ZAP70: variants seen among roughly 807,000 people sequenced by gnomAD.
ZAP70 encodes tyrosine-protein kinase ZAP-70.
ZAP70 carries 27 observed loss-of-function variants against 65.8 expected under a neutral mutation model. The ratio of observed to expected loss-of-function variants is 0.41; its 90% CI spans 0.30 to 0.57. The LOEUF (loss-of-function observed/expected upper bound fraction) is 0.57. Ranked by LOEUF, ZAP70 falls within the 20% of genes least tolerant of loss-of-function variation. The pLI is 0.28. For missense variants in ZAP70, 696 were observed against 870.5 expected, an observed-to-expected ratio of 0.80 and a Z score of 2.52; for synonymous variants, 363 against 360.8, an observed-to-expected ratio of 1.01 and a Z score of -0.07.
At chr2:97,723,321 G>A (rs1405129219) in intron 2 of ZAP70, among the ~76,000 whole-genome samples, 2 of 152,266 alleles carry the variant, frequency 1.3e-5, no homozygotes, top group Non-Finnish European at 2.9e-5. Context: ...AGGGTCAGCG[G>A]AAGGGACAAG....
In ZAP70 at chr2:97,724,552, T is replaced by C; in HGVS notation, c.402+114T>C. 7.2e-6 allele frequency: 11 copies of C among 1,532,682 alleles called. No homozygotes were observed. The South Asian group carries it at 1.1e-4, about 15-fold the overall frequency. The allele number at this position is 1,532,682 out of a possible 1,614,324, so 94.9% of individuals were successfully genotyped here. The stretch of plus-strand genomic sequence containing the variant: ...GGTCGTCTTCCCCATTCAGTCCCCT[T>C]TGGAAGCTGGAGAGGTGGGGCACTG... On this transcript the variant is annotated intron_variant, in intron 3 of 13. Transcript: ENST00000264972.
In ZAP70 at chr2:97,737,687, GCCCGA is replaced by G. The variant is rs1677956898; in HGVS notation, c.1482+24_1482+28del. 1 of 1,613,910 alleles carries G rather than the reference GCCCGA, an allele frequency of 6.2e-7. No homozygotes were observed. The highest frequency in any genetic ancestry group is 8.5e-7 in the Non-Finnish European group (1 of 1,179,994). On this transcript the variant is annotated intron_variant, in intron 11 of 13. Coordinates refer to ENST00000264972, the MANE Select transcript of ZAP70 (RefSeq NM_001079.4). This position sits in a 1 kb window ranked among gnomAD's most constrained non-coding sequence, Gnocchi z 5.0. ...CACTGTAAGCCTCTGCCCCTGTGAT[GCCCGA>G]CTGGATGGGCTGGGTGGGTAGAGGG...
Position 97,739,466 on chromosome 2 carries a change from A to G in ZAP70, c.1828A>G (p.Ser610Gly). The stretch of plus-strand genomic sequence containing the variant: ...CAGCAAGGTGGAAGGGCCCCCAGGC[A>G]GCACACAGAAGGCTGAGGCTGCCTG... Reference protein sequence around the residue: ...LASKVEGPPGSTQKAEAACA With the variant: ...LASKVEGPPGGTQKAEAACA The change falls in exon 14 of 14, where the codon AGC becomes GGC. Residue 610 changes from serine to glycine, a missense_variant. Coordinates refer to ENST00000264972, the MANE Select transcript of ZAP70 (RefSeq NM_001079.4). 1 of 1,613,626 alleles carries G rather than the reference A, an allele frequency of 6.2e-7. No homozygotes were observed. Among genetic ancestry groups the G allele is most frequent in the Non-Finnish European group, 8.5e-7 (1 of 1,179,880 alleles).
At chr2:97,719,758 A>G (rs953556261) in intron 2 of ZAP70, among the ~76,000 whole-genome samples, 6 of 152,152 alleles carry the variant, frequency 3.9e-5, no homozygotes, top group Non-Finnish European at 8.8e-5. Context: ...CATTTTAGTG[A>G]AAAATTCTGA....
At chr2:97,728,061 C>T (rs570958940) in intron 4 of ZAP70, among the ~76,000 whole-genome samples, 3 of 152,302 alleles carry the variant, frequency 2.0e-5, no homozygotes, top group Non-Finnish European at 4.4e-5. Context: ...TAGGCTTCCA[C>T]ACACAATGTT....
chr2:97,724,701 G>A (rs1458715401), intron 3 of ZAP70: 1 of 1,518,640 alleles, frequency 6.6e-7, no homozygotes, highest in Admixed American at 2.0e-5. Context: ...GGACGCACTG[G>A]GCCGGGCGAA....
chr2:97,753,583 G>A, the ZAP70 span, among the ~76,000 whole-genome samples: 1 of 152,052 alleles, frequency 6.6e-6, no homozygotes, highest in Non-Finnish European at 1.5e-5. Context: ...AGGTTGTCAT[G>A]AAAAATCCAA....
At chr2:97,747,762 A>G in the ZAP70 span, among the ~76,000 whole-genome samples, 802 of 151,524 alleles carry the variant, frequency 5.3e-3, 3 homozygotes, top group South Asian at 0.014. Flanking sequence ...TCAGTGTGAA[A>G]AAATCCTGCT....
At position 97,737,360 on chromosome 2, in the gene ZAP70, T is replaced by G; in HGVS notation, c.1290-113T>G. On this transcript the variant is annotated intron_variant, in intron 10 of 13. Transcript: ENST00000264972. The surrounding 1 kb of genome is among the most constrained non-coding windows in gnomAD (Gnocchi z 5.0). ...CACACAGCAGGTGCTCAATAAGCGT[T>G]TTTGAACACATGGTCACCTGGCTCA... is the stretch of plus-strand genomic sequence containing the variant. 8.5e-7 allele frequency: 1 copy of G among 1,179,612 alleles called. No individual in the cohort carries two copies. The highest frequency in any genetic ancestry group is 1.2e-6 in the Non-Finnish European group (1 of 804,210). 73.1% of individuals were successfully genotyped at this position (1,179,612 alleles called of 1,614,324 possible).
chr2:97,747,815 G>GTTTT, the ZAP70 span, among the ~76,000 whole-genome samples: 195 of 54,798 alleles, frequency 3.6e-3, 24 homozygotes, highest in African/African-American at 7.5e-3. Flanking sequence ...CTGGCACGAG[G>GTTTT]TTTTTTTTTT....
In ZAP70 at chr2:97,721,364, C is replaced by T. The variant is rs562733505; in HGVS notation, c.-21-2652C>T. Among the ~76,000 whole-genome samples, 10 of 152,298 alleles carry T rather than the reference C, an allele frequency of 6.6e-5. No homozygotes were observed. The South Asian group carries it at 1.9e-3, about 28-fold the overall frequency. ...ATGAATCACTCGATACACATTTTCC[C>T]ACCGAGGCTGCACAAGGCAAACACT... On this transcript the variant is annotated intron_variant, in intron 2 of 13. Transcript: ENST00000264972.
chr2:97,724,263 C>A lies in ZAP70; in HGVS notation c.227C>A (p.Ala76Glu). ...NGTYAIAGGK[A>E]HCGPAELCEF... Reference sequence around the variant, plus strand: ...ACCTACGCCATTGCCGGCGGCAAAGCGCACTGTGGACCGGCAGAGCTCTGC... The same window carrying A: ...ACCTACGCCATTGCCGGCGGCAAAGAGCACTGTGGACCGGCAGAGCTCTGC... Residue 76 changes from alanine (A) to glutamate (E), a missense_variant, in exon 3 of 14, where the codon GCG becomes GAG. Physicochemically the swap from Ala to Glu is moderately radical, Grantham distance 107 (BLOSUM62 -1). Around this residue, in one of 3 missense-constraint regions of ZAP70, gnomAD observed 551 missense variants for 630.0 expected, o/e 0.87. Coordinates refer to ENST00000264972, the MANE Select transcript of ZAP70 (RefSeq NM_001079.4). 1.2e-6 allele frequency: 2 copies of A among 1,604,820 alleles called. No individual in the cohort carries two copies. Among genetic ancestry groups the A allele is most frequent in the Non-Finnish European group, 1.7e-6 (2 of 1,178,092 alleles).
At chr2:97,748,357 C>G in the ZAP70 span, among the ~76,000 whole-genome samples, 1 of 152,170 alleles carries the variant, frequency 6.6e-6, no homozygotes, top group African/African-American at 2.4e-5. Flanking sequence ...TTTCTTTGAT[C>G]AAGAAGAAGC....
the ZAP70 span, among the ~76,000 whole-genome samples, chr2:97,749,847 C>T: frequency 2.0e-5 from 3 of 152,172 alleles, no homozygotes; most frequent in East Asian, 1.9e-4. Context: ...GGGATGAGGG[C>T]GTGGGAGGAG....
At chr2:97,733,901 G>A (rs1559326539) in intron 8 of ZAP70, 2 of 515,254 alleles carry the variant, frequency 3.9e-6, no homozygotes, top group South Asian at 2.1e-5. Context: ...ATGAGCCACC[G>A]AACCCTCCTG....
rs201293673 is a variant in ZAP70 at position 97,735,404 on chromosome 2, G to A, written c.1237G>A (p.Val413Ile). The A allele has an allele frequency of 1.2e-6, 2 of 1,614,000 alleles. No individual in the cohort carries two copies. Among genetic ancestry groups the A allele is most frequent in the South Asian group, 1.1e-5 (1 of 91,086 alleles). ...CTGCCAGGCCGAGGCCCTCATGCTG[G>A]TCATGGAGATGGCTGGGGGCGGGCC... ...GVCQAEALML[V>I]MEMAGGGPLH... The change falls in exon 10 of 14, where the codon GTC becomes ATC. Residue 413 changes from valine (V) to isoleucine (I), a missense_variant. Val to Ile is a conservative substitution (Grantham distance 29). Coordinates refer to ENST00000264972, the MANE Select transcript of ZAP70 (RefSeq NM_001079.4).
At chr2:97,745,323 G>C in the ZAP70 span, among the ~76,000 whole-genome samples, 5 of 152,234 alleles carry the variant, frequency 3.3e-5, no homozygotes, top group Non-Finnish European at 5.9e-5. Context: ...ACAGGCATGA[G>C]CCACTGTGCC....
rs1677926778 is a variant in ZAP70, at chr2:97,737,201, G to A, written c.1290-272G>A. ...TCTTTGAGATGCCTGTGAGACCTCAGCACGTCGAGGGTGCAGGCATAGGTC... is the reference window on the plus strand; with the variant it reads ...TCTTTGAGATGCCTGTGAGACCTCAACACGTCGAGGGTGCAGGCATAGGTC... On this transcript the variant is annotated intron_variant, in intron 10 of 13. Transcript: ENST00000264972. This position sits in a 1 kb window ranked among gnomAD's most constrained non-coding sequence, Gnocchi z 5.0. 6.6e-6 allele frequency among the ~76,000 whole-genome samples: 1 copy of A among 152,130 alleles called. No homozygotes were observed. Among genetic ancestry groups the A allele is most frequent in the Non-Finnish European group, 1.5e-5 (1 of 68,014 alleles).
intron 2 of ZAP70, among the ~76,000 whole-genome samples, chr2:97,719,246 G>T (rs148289772): frequency 5.3e-5 from 8 of 151,688 alleles, no homozygotes; most frequent in Non-Finnish European, 1.0e-4. Flanking sequence ...GATGATGCCA[G>T]CACCAACCGA....
Sources: gnomAD v4.1 joint callset for allele counts (sites outside exome capture counted in the v4.1 genomes callset) on GRCh38, gnomAD v4.1.1 for gene constraint, gnomAD v4.1.1 regional missense constraint, Gnocchi (gnomAD v3.1) non-coding constraint, MANE v1.5 for transcripts, NCBI Gene and HGNC (gene_info 2026-07-23, HGNC 2026-07-21) for gene names.